Variants in LRP1B observed in about 807,000 individuals in gnomAD.
The protein encoded by LRP1B is low-density lipoprotein receptor-related protein 1B.
Under a neutral mutation model 556.6 loss-of-function variants are expected in LRP1B, and 217 were observed. The ratio of observed to expected loss-of-function variants is 0.39; its 90% confidence interval spans 0.35 to 0.44. The LOEUF (loss-of-function observed/expected upper bound fraction) is 0.44, where lower values mean the gene tolerates loss of function less well. Among genes scored for constraint, LRP1B ranks in the 20% least tolerant of loss-of-function variants. The probability of loss-of-function intolerance (pLI) is 1.00; values close to 1 mark genes in which losing one functional copy is unlikely to be tolerated. For synonymous variants in LRP1B, 2,047 were observed against 1,865.8 expected (o/e 1.10, Z -2.50); for missense variants, 5,053 against 5,620.8 (o/e 0.90, Z 3.23).
chr2:140,541,539 T>G (rs1421525370), intron 44 of LRP1B, among the ~76,000 whole-genome samples: 2 of 152,146 alleles, frequency 1.3e-5, no homozygotes, highest in African/African-American at 4.8e-5. Flanking sequence ...CCTGTGATGA[T>G]AAATTATGCA....
At chr2:141,856,096 A>G (rs1698041707) in intron 1 of LRP1B, among the ~76,000 whole-genome samples, 1 of 152,288 alleles carries the variant, frequency 6.6e-6, no homozygotes, top group African/African-American at 2.4e-5. Flanking sequence ...AGAGGCAAAT[A>G]CCATATATAA....
chr2:140,384,670 T>C (rs1683680716), intron 67 of LRP1B, among the ~76,000 whole-genome samples: 1 of 152,212 alleles, frequency 6.6e-6, no homozygotes, highest in African/African-American at 2.4e-5. Flanking sequence ...AGTTGGTATT[T>C]TGCAAGCCAA....
rs72916805 is a variant in LRP1B at position 140,684,966 on chromosome 2, C to T, written c.6799+15284G>A. Among the ~76,000 whole-genome samples, 1,516 of 152,264 alleles carry T rather than the reference C, an allele frequency of 1.0e-2. 6 individuals are homozygous for T. The highest frequency in any genetic ancestry group is 0.019 in the Admixed American group (295 of 15,294). ...TCTCTACCCCCTTATTTTTGCTACT[C>T]ATACATGCATATTCTATTGTTAAAG... On this transcript the variant is annotated intron_variant, in intron 41 of 90. Coordinates refer to ENST00000389484, the MANE Select transcript of LRP1B (RefSeq NM_018557.3).
At chr2:140,326,010 A>T (rs2105064841) in intron 79 of LRP1B, 132 bp from the exon 80 acceptor site, 1 of 615,810 alleles carries the variant, frequency 1.6e-6, no homozygotes, top group South Asian at 2.1e-5. Context: ...CCTGGTGCCC[A>T]TCATGAAACT....
chr2:140,928,932 A>C (rs1694966685), intron 20 of LRP1B, among the ~76,000 whole-genome samples: 1 of 152,116 alleles, frequency 6.6e-6, no homozygotes, highest in Non-Finnish European at 1.5e-5. Context: ...AGGAGACCTG[A>C]GAGGTAGGTA....
chr2:141,932,879 T>C (rs1207401231), intron 1 of LRP1B, among the ~76,000 whole-genome samples: 1 of 152,038 alleles, frequency 6.6e-6, no homozygotes, highest in Admixed American at 6.6e-5. Flanking sequence ...TGTTTTTACA[T>C]TTTCTGATTA....
intron 1 of LRP1B, among the ~76,000 whole-genome samples, chr2:141,867,518 A>G (rs893158702): frequency 7.9e-5 from 12 of 152,192 alleles, no homozygotes; most frequent in Admixed American, 2.0e-4. Context: ...CAAGTCCGAG[A>G]GGACTAGAAG....
intron 1 of LRP1B, among the ~76,000 whole-genome samples, chr2:142,011,225 T>C (rs535133034): frequency 6.6e-6 from 1 of 152,240 alleles, no homozygotes; most frequent in Admixed American, 6.5e-5. Context: ...TGATATATGC[T>C]TAAAATCGTA....
intron 1 of LRP1B, among the ~76,000 whole-genome samples, chr2:141,829,733 A>G (rs1271351272): frequency 1.3e-5 from 2 of 152,010 alleles, no homozygotes; most frequent in Non-Finnish European, 2.9e-5. Context: ...TGGATCATAT[A>G]CATGTCCCGT....
intron 83 of LRP1B, among the ~76,000 whole-genome samples, chr2:140,304,797 T>TG (rs1479013546): frequency 6.6e-6 from 1 of 152,168 alleles, no homozygotes; most frequent in Non-Finnish European, 1.5e-5. Flanking sequence ...AGGTCTAACG[T>TG]TTAAGTCTTT....
intron 3 of LRP1B, among the ~76,000 whole-genome samples, chr2:141,291,648 A>C (rs1376747361): frequency 6.6e-6 from 1 of 152,012 alleles, no homozygotes; most frequent in Non-Finnish European, 1.5e-5. Flanking sequence ...CGAGGTCAGG[A>C]TATCGAGACC....
chr2:141,675,040 CTT>C (rs975438548), intron 2 of LRP1B, among the ~76,000 whole-genome samples: 1 of 151,694 alleles, frequency 6.6e-6, no homozygotes, highest in African/African-American at 2.4e-5. Flanking sequence ...TGTTTAGAAA[CTT>C]TTGTTTTTAT....
chr2:141,913,277 T>C (rs972002788), intron 1 of LRP1B, among the ~76,000 whole-genome samples: 5 of 152,188 alleles, frequency 3.3e-5, no homozygotes, highest in African/African-American at 1.2e-4. Context: ...CTAACAGAAA[T>C]TGATTGGACC....
chr2:141,085,593 T>A (rs1700031493), intron 7 of LRP1B, among the ~76,000 whole-genome samples: 1 of 152,108 alleles, frequency 6.6e-6, no homozygotes, highest in Non-Finnish European at 1.5e-5. Context: ...CCTGCTAACA[T>A]CTTGATCTGA....
chr2:141,796,983 T>C (rs1250753843), intron 2 of LRP1B, among the ~76,000 whole-genome samples: 1 of 151,310 alleles, frequency 6.6e-6, no homozygotes, highest in Admixed American at 6.6e-5. Flanking sequence ...AGGTAGACTG[T>C]CCGTGTCTCG....
At chr2:141,565,845 T>C (rs974308197) in intron 2 of LRP1B, among the ~76,000 whole-genome samples, 1 of 152,200 alleles carries the variant, frequency 6.6e-6, no homozygotes, top group African/African-American at 2.4e-5. Flanking sequence ...GCTGTGCTTC[T>C]GGAAATACCA....
chr2:140,671,472 G>A (rs1322980279), intron 41 of LRP1B, among the ~76,000 whole-genome samples: 2 of 152,194 alleles, frequency 1.3e-5, no homozygotes, highest in African/African-American at 4.8e-5. Flanking sequence ...AGTGAGCCAA[G>A]ATAGCGCCAT....
intron 41 of LRP1B, among the ~76,000 whole-genome samples, chr2:140,656,273 C>T (rs1684876080): frequency 6.6e-6 from 1 of 152,074 alleles, no homozygotes; most frequent in South Asian, 2.1e-4. Flanking sequence ...AGAAACTGGA[C>T]ATTTTTTGTC....
chr2:140,302,440 G>C (rs1430836702), intron 83 of LRP1B, among the ~76,000 whole-genome samples: 3 of 152,112 alleles, frequency 2.0e-5, no homozygotes, highest in Non-Finnish European at 4.4e-5. Flanking sequence ...TTAGTGTTAG[G>C]TCTACTTCAT....
Sources: gnomAD v4.1 joint callset for allele counts (sites outside exome capture counted in the v4.1 genomes callset) on GRCh38, gnomAD v4.1.1 for gene constraint, MANE v1.5 for transcripts, NCBI Gene and HGNC (gene_info 2026-07-23, HGNC 2026-07-21) for gene names.